ANO2: variants seen among roughly 807,000 people sequenced by gnomAD.
ANO2 encodes anoctamin-2.
Under a neutral mutation model 124.2 loss-of-function variants are expected in ANO2, and 101 were observed. The ratio of observed to expected loss-of-function variants is 0.81; its 90% confidence interval spans 0.69 to 0.96. The LOEUF is 0.96. ANO2 is among the 40% of genes least tolerant of loss of function. The probability of loss-of-function intolerance (pLI) is 0.00; values close to 1 mark genes in which losing one functional copy is unlikely to be tolerated. For synonymous variants in ANO2, 486 were observed against 482.5 expected (o/e 1.01, Z -0.09); for missense variants, 1,293 against 1,274.5 (o/e 1.01, Z -0.22).
intron 3 of ANO2, among the ~76,000 whole-genome samples, chr12:5,899,035 AAGC>A (rs1276499736): frequency 1.3e-5 from 2 of 152,106 alleles, no homozygotes; most frequent in Non-Finnish European, 2.9e-5. Flanking sequence ...GCAGCCCAAG[AAGC>A]AGCTCATCTC....
At chr12:5,790,382 C>G (rs1219033043) in intron 10 of ANO2, among the ~76,000 whole-genome samples, 1 of 152,152 alleles carries the variant, frequency 6.6e-6, no homozygotes, top group African/African-American at 2.4e-5. Context: ...ATTTCCCCCA[C>G]CATCATGTCC....
At chr12:5,576,534 T>C (rs1032743858) in intron 22 of ANO2, among the ~76,000 whole-genome samples, 2 of 152,224 alleles carry the variant, frequency 1.3e-5, no homozygotes, top group African/African-American at 2.4e-5. Context: ...TGTCATGTAA[T>C]AGAAGTTATT....
intron 15 of ANO2, among the ~76,000 whole-genome samples, chr12:5,647,045 C>G (rs368392679): frequency 6.6e-6 from 1 of 152,192 alleles, no homozygotes; most frequent in African/African-American, 2.4e-5. Context: ...GCAGAACCTC[C>G]AATCTTGAAT....
At position 5,830,486 on chromosome 12, in the gene ANO2, G is replaced by A; in HGVS notation, c.789C>T (p.Tyr263=). ...AGAAGGTGTCCTTTTCCTGGATGTT[G>A]TACCTGGAGACACCAAGAGAGCAGA... ...YPFSREKMYL[Y]NIQEKDTFFD... The change falls in exon 6 of 25, where the codon TAC becomes TAT. Residue 263 remains tyrosine, a synonymous_variant. Coordinates refer to ENST00000682330, the MANE Select transcript of ANO2 (RefSeq NM_001364791.2). The A allele has an allele frequency of 6.2e-7, 1 of 1,611,450 alleles. No homozygotes were observed. Among genetic ancestry groups the A allele is most frequent in the East Asian group, 2.2e-5 (1 of 44,850 alleles).
At chr12:5,728,621 T>C (rs147968971) in intron 14 of ANO2, among the ~76,000 whole-genome samples, 1 of 152,292 alleles carries the variant, frequency 6.6e-6, no homozygotes, top group African/African-American at 2.4e-5. Context: ...CTTGCTTTCT[T>C]ATAGACATTG....
At chr12:5,664,832 G>A (rs796788187) in intron 14 of ANO2, among the ~76,000 whole-genome samples, 1 of 152,166 alleles carries the variant, frequency 6.6e-6, no homozygotes, top group Non-Finnish European at 1.5e-5. Flanking sequence ...AAATTCATAG[G>A]AAAGGCTTGG....
intron 1 of ANO2, among the ~76,000 whole-genome samples, chr12:5,930,693 T>C (rs1942326002): frequency 6.6e-6 from 1 of 152,242 alleles, no homozygotes; most frequent in Middle Eastern, 3.4e-3. Context: ...CTTGCATGAA[T>C]TGGACCCAGG....
At chr12:5,773,854 G>A (rs998361313) in intron 10 of ANO2, among the ~76,000 whole-genome samples, 2 of 152,186 alleles carry the variant, frequency 1.3e-5, no homozygotes, top group African/African-American at 2.4e-5. Flanking sequence ...CTGCACAACT[G>A]TCATACAATG....
At chr12:5,565,805 G>T in intron 23 of ANO2, 142 bp from the exon 24 acceptor site, 1 of 641,862 alleles carries the variant, frequency 1.6e-6, no homozygotes. Flanking sequence ...GGGAAGTGGG[G>T]GGAATCTATG....
intron 13 of ANO2, among the ~76,000 whole-genome samples, chr12:5,736,656 T>C (rs1211940263): frequency 1.3e-5 from 2 of 152,148 alleles, no homozygotes; most frequent in Non-Finnish European, 2.9e-5. Flanking sequence ...CGTACCTTGT[T>C]ATCCTGATCT....
intron 10 of ANO2, among the ~76,000 whole-genome samples, chr12:5,752,747 A>G (rs989406651): frequency 4.6e-5 from 7 of 152,086 alleles, no homozygotes; most frequent in Middle Eastern, 3.4e-3. Context: ...CCATTTGTCT[A>G]TTTTTGCTTT....
In ANO2 at chr12:5,595,966, T is replaced by A. The variant is rs571985328; in HGVS notation, c.2233+3518A>T. Among the ~76,000 whole-genome samples the A allele has an allele frequency of 3.3e-5, 5 of 152,352 alleles. No homozygotes were observed. The East Asian group carries it at 9.6e-4, about 29-fold the overall frequency. On this transcript the variant is annotated intron_variant, in intron 20 of 24. Coordinates refer to ENST00000682330, the MANE Select transcript of ANO2 (RefSeq NM_001364791.2). ...AAAGGGTATTCTCATATATTGCCCA[T>A]GCCTGGGTGAATTGTTCTTATTCTT...
chr12:5,619,716 G>C (rs1232803984), intron 16 of ANO2, among the ~76,000 whole-genome samples: 1 of 152,210 alleles, frequency 6.6e-6, no homozygotes, highest in Non-Finnish European at 1.5e-5. Context: ...TTCCTGAATT[G>C]CCATGTGGAA....
Position 5,589,429 on chromosome 12 carries a change from A to G in ANO2, c.2233+10055T>C, listed in dbSNP as rs528646965. Among the ~76,000 whole-genome samples, 32 of 152,294 alleles carry G rather than the reference A, an allele frequency of 2.1e-4. No homozygotes were observed. In the South Asian group the frequency reaches 6.2e-3, roughly 30 times the overall value. ...AATCCACTCACTGGATTATCAGCCC[A>G]TAAATAAATGAGAATTGACCACGGC... On this transcript the variant is annotated intron_variant, in intron 20 of 24. Coordinates refer to ENST00000682330, the MANE Select transcript of ANO2 (RefSeq NM_001364791.2).
At chr12:5,942,226 G>A (rs1206906931) in intron 1 of ANO2, among the ~76,000 whole-genome samples, 1 of 152,122 alleles carries the variant, frequency 6.6e-6, no homozygotes, top group Non-Finnish European at 1.5e-5. Flanking sequence ...CTATTAATTA[G>A]TTATGATATA....
chr12:5,581,809 A>T (rs768264574), intron 20 of ANO2, among the ~76,000 whole-genome samples: 1 of 152,154 alleles, frequency 6.6e-6, no homozygotes, highest in Non-Finnish European at 1.5e-5. Flanking sequence ...GTGTTACTCC[A>T]TGGTATCCTG....
intron 3 of ANO2, among the ~76,000 whole-genome samples, chr12:5,893,629 A>G (rs1354864107): frequency 1.3e-5 from 2 of 151,754 alleles, no homozygotes; most frequent in Non-Finnish European, 2.9e-5. Flanking sequence ...GCCTAATGCT[A>G]TCCCTCCCCT....
At chr12:5,638,738 C>G (rs1212079287) in intron 15 of ANO2, among the ~76,000 whole-genome samples, 1 of 151,972 alleles carries the variant, frequency 6.6e-6, no homozygotes, top group Non-Finnish European at 1.5e-5. Flanking sequence ...ATTCGCTGGT[C>G]AGCAGCTCTA....
rs746073420 is a variant in ANO2, at chr12:5,922,631, G to T, written c.196C>A (p.Arg66Ser). 5.9e-6 allele frequency: 9 copies of T among 1,534,836 alleles called. No individual in the cohort carries two copies. The South Asian group carries it at 6.0e-5, about 10-fold the overall frequency. ...CGCCCAGTACTCACAGAGCTGCTGC[G>T]GGTGCTCTCTCCACCGCAGGGCTGG... Reference protein sequence around the residue: ...PGQPCGGESTRSSSVINNYLD... With the variant: ...PGQPCGGESTSSSSVINNYLD... The change falls in exon 2 of 25, where the codon CGC becomes AGC. Residue 66 changes from arginine to serine, a missense_variant. Coordinates refer to ENST00000682330, the MANE Select transcript of ANO2 (RefSeq NM_001364791.2).
Sources: allele counts gnomAD v4.1 joint callset (sites outside exome capture counted in the v4.1 genomes callset), GRCh38; gene constraint gnomAD v4.1.1; transcripts MANE v1.5; gene names NCBI Gene and HGNC (gene_info 2026-07-23, HGNC 2026-07-21).